Variants in MYH9 observed in about 807,000 individuals in gnomAD.
MYH9 encodes the protein myosin-9.
MYH9 carries 29 observed loss-of-function variants against 241.9 expected under a neutral mutation model. The ratio of observed to expected loss-of-function variants is 0.12; its 90% CI spans 0.09 to 0.16. MYH9 has a LOEUF of 0.16. Ranked by LOEUF, MYH9 falls within the 10% of genes least tolerant of loss-of-function variation. The pLI, the probability that MYH9 is intolerant of heterozygous loss-of-function variation, is 1.00. For synonymous variants in MYH9, 1,047 were observed against 1,062.6 expected, an observed-to-expected ratio of 0.99 and a Z score of 0.29; for missense variants, 1,803 against 2,595.5, an observed-to-expected ratio of 0.69 and a Z score of 6.63.
rs876657522 is a variant in MYH9 at position 36,293,314 on chromosome 22, C to A, written c.4095+15G>T. The A allele has an allele frequency of 2.5e-6, 4 of 1,613,492 alleles. No homozygotes were observed. Among genetic ancestry groups the A allele is most frequent in the Non-Finnish European group, 3.4e-6 (4 of 1,179,662 alleles). Reference sequence around the variant, plus strand: ...CCAGCCTGCAGAGTCCGGCCGGTCCCCCAGGCCTCCAAACCTGGGCATGGA... The same window carrying A: ...CCAGCCTGCAGAGTCCGGCCGGTCCACCAGGCCTCCAAACCTGGGCATGGA... On this transcript the variant is annotated intron_variant, in intron 30 of 40. Coordinates refer to ENST00000216181, the MANE Select transcript of MYH9 (RefSeq NM_002473.6). This position sits in a 1 kb window ranked among gnomAD's most constrained non-coding sequence, Gnocchi z 5.1.
chr22:36,294,307 GA>G lies in MYH9; in HGVS notation c.3631-10del, dbSNP rs1569534982. On this transcript the variant is annotated splice_polypyrimidine_tract_variant and intron_variant, in intron 27 of 40. Transcript: ENST00000216181. ...TCGAGGTTTGCTTTCACCTAGCAGG[GA>G]AGAAAGCAAAGACGTGAGTGGGGGC... The G allele has an allele frequency of 6.2e-7, 1 of 1,613,144 alleles. No homozygotes were observed. The highest frequency in any genetic ancestry group is 1.7e-5 in the Admixed American group (1 of 60,020).
At chr22:36,353,923 T>C (rs2017812147) in intron 1 of MYH9, among the ~76,000 whole-genome samples, 2 of 151,956 alleles carry the variant, frequency 1.3e-5, no homozygotes, top group East Asian at 1.9e-4. Flanking sequence ...TTTTTTGAGA[T>C]GAAGTCTTGC....
chr22:36,365,874 T>G lies in MYH9; in HGVS notation c.-19-16619A>C, dbSNP rs941186753. 1.2e-4 allele frequency among the ~76,000 whole-genome samples: 19 copies of G among 152,362 alleles called. No homozygotes were observed. In the East Asian group the frequency reaches 3.7e-3, roughly 29 times the overall value. On this transcript the variant is annotated intron_variant, in intron 1 of 40. Coordinates refer to ENST00000216181, the MANE Select transcript of MYH9 (RefSeq NM_002473.6). ...ACTCTGATTCTTTTCCATTCAAGTC[T>G]ATTTTATTTCATTTCTAAACACACT...
Position 36,327,441 on chromosome 22 carries a change from C to T in MYH9, c.518+20G>A, listed in dbSNP as rs769126535. The stretch of plus-strand genomic sequence containing the variant: ...AGACTGGGGTGAAACGAACCACTAC[C>T]CAGACGGAGAAATACTTACGTGCAC... On this transcript the variant is annotated intron_variant, in intron 4 of 40. Transcript: ENST00000216181. 1 of 1,613,938 alleles carries T rather than the reference C, an allele frequency of 6.2e-7. No homozygotes were observed.
At chr22:36,283,998 G>A in intron 40 of MYH9, 95 bp downstream of exon 40, 1 of 1,460,354 alleles carries the variant, frequency 6.8e-7, no homozygotes, top group Non-Finnish European at 9.6e-7. Flanking sequence ...CTTTCTTGGT[G>A]ACATTCGTGC....
intron 1 of MYH9, among the ~76,000 whole-genome samples, chr22:36,374,658 C>T (rs972435910): frequency 1.3e-5 from 2 of 152,244 alleles, no homozygotes; most frequent in African/African-American, 4.8e-5. Context: ...AGGCCGCGTT[C>T]CCAGCATCCA....
chr22:36,377,019 T>C (rs1210257911), intron 1 of MYH9, among the ~76,000 whole-genome samples: 6 of 150,802 alleles, frequency 4.0e-5, no homozygotes, highest in Admixed American at 1.3e-4. Flanking sequence ...GCCAAGATCG[T>C]GCAACTGTAC....
intron 6 of MYH9, among the ~76,000 whole-genome samples, chr22:36,322,221 C>A (rs1489031398): frequency 6.6e-6 from 1 of 152,272 alleles, no homozygotes; most frequent in Admixed American, 6.5e-5. Flanking sequence ...GCTGAAGAAG[C>A]TACTCGTGGC....
chr22:36,291,689 A>T (rs900921115), intron 31 of MYH9, among the ~76,000 whole-genome samples: 7 of 150,330 alleles, frequency 4.7e-5, no homozygotes, highest in Non-Finnish European at 8.9e-5. Flanking sequence ...AAATTAAAAA[A>T]AAAAAAAAAA....
intron 1 of MYH9, among the ~76,000 whole-genome samples, chr22:36,374,715 T>G (rs1422898219): frequency 6.6e-6 from 1 of 152,114 alleles, no homozygotes; most frequent in Non-Finnish European, 1.5e-5. Flanking sequence ...CTCCCACATT[T>G]CCTGGGAAAT....
rs775993375 is a variant in MYH9, at chr22:36,300,250, C to T, written c.2853G>A (p.Gln951=). 2 of 1,613,328 alleles carry T rather than the reference C, an allele frequency of 1.2e-6. No homozygotes were observed. Among genetic ancestry groups the T allele is most frequent in the South Asian group, 2.2e-5 (2 of 91,090 alleles). The change falls in exon 23 of 41, where the codon CAG becomes CAA. Residue 951 remains glutamine (Q), a synonymous_variant. Coordinates refer to ENST00000216181, the MANE Select transcript of MYH9 (RefSeq NM_002473.6). The surrounding 1 kb of genome is among the most constrained non-coding windows in gnomAD (Gnocchi z 5.0). ...MQQNIQELEE[Q]LEEEESARQK... ...GCCGGGCGCTCTCCTCCTCCTCCAG[C>T]TGCTCCTCAAGCTCCTGCCGGGGGC...
rs575016742 is a variant in MYH9, at chr22:36,284,076, T to C, written c.5765+17A>G. The C allele has an allele frequency of 3.4e-6, 2 of 593,536 alleles. No homozygotes were observed. The highest frequency in any genetic ancestry group is 5.8e-6 in the Non-Finnish European group (2 of 344,292). 36.8% of individuals were successfully genotyped at this position (593,536 alleles called of 1,614,324 possible). A position where few individuals can be genotyped will look rare whatever the true frequency, so the allele number is the denominator to read the frequency against. ...AGAAGTGCCGAGGCAAAGGGGCGGG[T>C]GGGCAGGGCGGCTCACCTGAGCTTG... is the stretch of plus-strand genomic sequence containing the variant. On this transcript the variant is annotated intron_variant, in intron 40 of 40. Coordinates refer to ENST00000216181, the MANE Select transcript of MYH9 (RefSeq NM_002473.6).
rs1308791415 is a variant in MYH9 at position 36,294,233 on chromosome 22, C to G, written c.3696G>C (p.Glu1232Asp). The stretch of plus-strand genomic sequence containing the variant: ...CTTTGCCCTGCAGCAGCACCTTCAC[C>G]TCGTTGGCCAGCTCCCCCCGCTCGT... ...LENERGELAN[E>D]VKVLLQGKGD... The change falls in exon 28 of 41, where the codon GAG (glutamate) becomes GAC (aspartate). Residue 1232 changes from glutamate (E) to aspartate (D), a missense_variant. Transcript: ENST00000216181. 1.2e-6 allele frequency: 2 copies of G among 1,614,146 alleles called. No individual in the cohort carries two copies. Among genetic ancestry groups the G allele is most frequent in the Non-Finnish European group, 1.7e-6 (2 of 1,180,046 alleles).
At chr22:36,322,967 G>A (rs5756153) in intron 5 of MYH9, among the ~76,000 whole-genome samples, 72,649 of 152,054 alleles carry the variant, frequency 0.48, 19,357 homozygotes, top group Non-Finnish European at 0.59. Flanking sequence ...TGAGGGGATC[G>A]GATCTGGAAA....
At chr22:36,292,988 C>T (rs2016731012) in intron 30 of MYH9, among the ~76,000 whole-genome samples, 1 of 152,336 alleles carries the variant, frequency 6.6e-6, no homozygotes, top group South Asian at 2.1e-4. Flanking sequence ...ACAACCCTGA[C>T]AGGGTAACTG....
intron 2 of MYH9, among the ~76,000 whole-genome samples, chr22:36,345,660 G>A (rs1603483961): frequency 6.6e-6 from 1 of 152,210 alleles, no homozygotes; most frequent in African/African-American, 2.4e-5. Flanking sequence ...GAATTTCAGT[G>A]GTTAATACTC....
intron 1 of MYH9, among the ~76,000 whole-genome samples, chr22:36,359,816 T>A (rs1365567245): frequency 1.3e-5 from 2 of 152,188 alleles, no homozygotes; most frequent in African/African-American, 4.8e-5. Flanking sequence ...ACCTTTGGTA[T>A]CAACTCAGAA....
intron 7 of MYH9, among the ~76,000 whole-genome samples, chr22:36,321,230 C>A (rs187908442): frequency 1.3e-5 from 2 of 152,314 alleles, no homozygotes; most frequent in East Asian, 1.9e-4. Flanking sequence ...CAGGCGTGAG[C>A]CACTGTGCCT....
At chr22:36,336,348 G>A (rs972728979) in intron 3 of MYH9, among the ~76,000 whole-genome samples, 6 of 152,242 alleles carry the variant, frequency 3.9e-5, no homozygotes, top group Non-Finnish European at 7.3e-5. Context: ...CCGGGATCCA[G>A]AAGCACCATT....
Sources: gnomAD v4.1 joint callset for allele counts (sites outside exome capture counted in the v4.1 genomes callset) on GRCh38, gnomAD v4.1.1 for gene constraint, Gnocchi (gnomAD v3.1) non-coding constraint, MANE v1.5 for transcripts, NCBI Gene and HGNC (gene_info 2026-07-23, HGNC 2026-07-21) for gene names.